ASZ1: variants seen among roughly 807,000 people sequenced by gnomAD.
The protein encoded by ASZ1 is ankyrin repeat, SAM and basic leucine zipper domain containing 1, also known as ankyrin repeat, SAM and basic leucine zipper domain-containing protein 1.
A neutral mutation model predicts 61.8 loss-of-function variants in ASZ1; 67 were observed. The ratio of observed to expected loss-of-function variants is 1.08; its 90% CI spans 0.89 to 1.33. The LOEUF (loss-of-function observed/expected upper bound fraction) is 1.33, where lower values mean the gene tolerates loss of function less well. Among genes scored for constraint, ASZ1 ranks in the 40% most tolerant of loss-of-function variants. The probability of loss-of-function intolerance (pLI) is 0.00; values close to 1 mark genes in which losing one functional copy is unlikely to be tolerated. For synonymous variants in ASZ1, 193 were observed against 192.7 expected, an observed-to-expected ratio of 1.00 and a Z score of -0.01; for missense variants, 577 against 554.5, an observed-to-expected ratio of 1.04 and a Z score of -0.41.
rs200708697 is a variant in ASZ1, at chr7:117,409,129, TAAGA to T, written c.440+11030_440+11033del. Among the ~76,000 whole-genome samples, 1,373 of 152,000 alleles carry T rather than the reference TAAGA, an allele frequency of 9.0e-3. 16 individuals carry two copies. The highest frequency in any genetic ancestry group is 0.013 in the Non-Finnish European group (869 of 67,878). On this transcript the variant is annotated intron_variant, in intron 4 of 12. Transcript: ENST00000284629. ...AATTACAAGACTGTAGTTGCTTCTA[TAAGA>T]AAGAAAGAAGGAAAGGGAATATGAT...
At chr7:117,413,278 T>A (rs1261829530) in intron 4 of ASZ1, among the ~76,000 whole-genome samples, 3 of 151,962 alleles carry the variant, frequency 2.0e-5, no homozygotes, top group Non-Finnish European at 4.4e-5. Flanking sequence ...TTATCAAACC[T>A]CTGTTACATT....
chr7:117,398,839 G>C (rs1188001509), intron 4 of ASZ1, among the ~76,000 whole-genome samples: 1 of 152,054 alleles, frequency 6.6e-6, no homozygotes, highest in African/African-American at 2.4e-5. Context: ...AATGAAACAG[G>C]CTCTTTCCTC....
chr7:117,385,934 C>T, intron 4 of ASZ1, 125 bp from the exon 5 acceptor site: 1 of 745,474 alleles, frequency 1.3e-6, no homozygotes, highest in East Asian at 2.8e-5. Flanking sequence ...AAAGCTTTTG[C>T]TAAATCAGGT....
intron 4 of ASZ1, among the ~76,000 whole-genome samples, chr7:117,416,693 A>T (rs1797000196): frequency 6.6e-6 from 1 of 152,238 alleles, no homozygotes; most frequent in South Asian, 2.1e-4. Flanking sequence ...TGTAAGTTAC[A>T]CAAATGTATG....
chr7:117,363,503 T>C lies in ASZ1; in HGVS notation c.*93A>G, dbSNP rs1477019135. Reference sequence around the variant, plus strand: ...TTTCCTATGGAATATTGGCAAAGAATGTAAAGTTATATTGTGCTGCAAACA... The same window carrying C: ...TTTCCTATGGAATATTGGCAAAGAACGTAAAGTTATATTGTGCTGCAAACA... On this transcript the variant is annotated 3_prime_UTR_variant, in exon 13 of 13. Transcript: ENST00000284629. The C allele has an allele frequency of 9.0e-6, 10 of 1,106,902 alleles. No individual in the cohort carries two copies. The highest frequency in any genetic ancestry group is 1.2e-5 in the Non-Finnish European group (10 of 843,174). The allele number at this position is 1,106,902 out of a possible 1,614,324, so 68.6% of individuals were successfully genotyped here.
intron 4 of ASZ1, among the ~76,000 whole-genome samples, chr7:117,407,899 C>T (rs542092663): frequency 3.4e-4 from 52 of 152,246 alleles, no homozygotes; most frequent in Admixed American, 8.5e-4. Flanking sequence ...ATGTAGATGA[C>T]GAACGGGCAG....
In ASZ1 at chr7:117,391,716, A is replaced by G. The variant is rs117804577; in HGVS notation, c.441-5907T>C. Among the ~76,000 whole-genome samples the G allele has an allele frequency of 2.1e-3, 313 of 152,270 alleles. 7 individuals carry two copies. The East Asian group carries it at 0.054, about 26-fold the overall frequency. On this transcript the variant is annotated intron_variant, in intron 4 of 12. Coordinates refer to ENST00000284629, the MANE Select transcript of ASZ1 (RefSeq NM_130768.3). The stretch of plus-strand genomic sequence containing the variant: ...CAGCCTTTTAGTATAGCTTGAAGTT[A>G]AGTAATGTGATGCCTCAAGCTTTGT...
chr7:117,403,875 T>C (rs915794529), intron 4 of ASZ1, among the ~76,000 whole-genome samples: 1 of 152,068 alleles, frequency 6.6e-6, no homozygotes, highest in African/African-American at 2.4e-5. Flanking sequence ...TCCCATCAGA[T>C]CAGTGGTGGC....
chr7:117,396,012 A>G (rs1385000939), intron 4 of ASZ1, among the ~76,000 whole-genome samples: 1 of 152,206 alleles, frequency 6.6e-6, no homozygotes, highest in East Asian at 1.9e-4. Flanking sequence ...CCTCTGATTT[A>G]GAATGTTAAG....
chr7:117,415,350 C>T (rs759121951), intron 4 of ASZ1, among the ~76,000 whole-genome samples: 7 of 151,984 alleles, frequency 4.6e-5, no homozygotes, highest in South Asian at 2.1e-4. Flanking sequence ...ATCTTTTGTC[C>T]GGCATATCCA....
At chr7:117,423,335 A>G (rs563482334) in intron 2 of ASZ1, among the ~76,000 whole-genome samples, 16 of 152,234 alleles carry the variant, frequency 1.1e-4, no homozygotes, top group African/African-American at 2.9e-4. Context: ...TTTAATTGAT[A>G]TAAGGTACAT....
chr7:117,397,149 G>T (rs1230799936), intron 4 of ASZ1, among the ~76,000 whole-genome samples: 1 of 152,104 alleles, frequency 6.6e-6, no homozygotes. Context: ...GCTGAGGCAG[G>T]AGTATCTCTT....
At chr7:117,425,259 C>CTTTTTTTTTTTTTTTT (rs71148368) in intron 2 of ASZ1, among the ~76,000 whole-genome samples, 1 of 93,858 alleles carries the variant, frequency 1.1e-5, no homozygotes, top group East Asian at 4.0e-4. Context: ...TGAGTAATTT[C>CTTTTTTTTTTTTTTTT]TTTTTTTTTT....
intron 4 of ASZ1, among the ~76,000 whole-genome samples, chr7:117,390,179 G>GGTTTT (rs79961993): frequency 6.7e-6 from 1 of 148,464 alleles, no homozygotes; most frequent in African/African-American, 2.5e-5. Context: ...AACAGTGGGG[G>GGTTTT]TTTTTTTTTT....
At chr7:117,376,312 G>T (rs1036440163) in intron 10 of ASZ1, among the ~76,000 whole-genome samples, 1 of 152,076 alleles carries the variant, frequency 6.6e-6, no homozygotes, top group African/African-American at 2.4e-5. Context: ...TAATTTAAAA[G>T]CTTCCCCCAC....
At chr7:117,374,882 T>G (rs1166504503) in intron 10 of ASZ1, among the ~76,000 whole-genome samples, 1 of 152,018 alleles carries the variant, frequency 6.6e-6, no homozygotes, top group African/African-American at 2.4e-5. Flanking sequence ...TGGACTCATA[T>G]GAAACCAAAA....
intron 12 of ASZ1, among the ~76,000 whole-genome samples, chr7:117,365,074 C>T (rs1795908985): frequency 6.6e-6 from 1 of 152,086 alleles, no homozygotes; most frequent in South Asian, 2.1e-4. Context: ...GGCATGATAG[C>T]ATATTTCCAA....
intron 4 of ASZ1, among the ~76,000 whole-genome samples, chr7:117,387,381 GCAA>G (rs1796381644): frequency 6.6e-6 from 1 of 151,806 alleles, no homozygotes; most frequent in African/African-American, 2.4e-5. Flanking sequence ...CACATACGTG[GCAA>G]CAACAAATTA....
intron 2 of ASZ1, among the ~76,000 whole-genome samples, chr7:117,424,549 T>C (rs1797159641): frequency 6.6e-6 from 1 of 152,204 alleles, no homozygotes; most frequent in African/African-American, 2.4e-5. Context: ...AAATTTCAAA[T>C]GGTTGACTAA....
Sources: allele counts gnomAD v4.1 joint callset (sites outside exome capture counted in the v4.1 genomes callset), GRCh38; gene constraint gnomAD v4.1.1; transcripts MANE v1.5; gene names NCBI Gene and HGNC (gene_info 2026-07-23, HGNC 2026-07-21).